RASGRF2: variants seen among roughly 807,000 people sequenced by gnomAD.
The protein encoded by RASGRF2 is Ras protein specific guanine nucleotide releasing factor 2.
Under a neutral mutation model 151.0 loss-of-function variants are expected in RASGRF2, and 76 were observed. The ratio of observed to expected loss-of-function variants is 0.50; its 90% confidence interval spans 0.42 to 0.61. The LOEUF (loss-of-function observed/expected upper bound fraction) is 0.61, where lower values mean the gene tolerates loss of function less well. Ranked by LOEUF, RASGRF2 falls within the 20% of genes least tolerant of loss-of-function variation. RASGRF2 has a pLI of 0.00. For missense variants in RASGRF2, 1,148 were observed against 1,564.6 expected (o/e 0.73, Z 4.49); for synonymous variants, 504 against 566.5 (o/e 0.89, Z 1.57).
intron 1 of RASGRF2, among the ~76,000 whole-genome samples, chr5:81,001,189 A>G (rs1375519401): frequency 6.6e-6 from 1 of 152,200 alleles, no homozygotes; most frequent in Non-Finnish European, 1.5e-5. Context: ...CTTCCCAGAC[A>G]ATAGCCTTCC....
chr5:81,005,056 G>A (rs1373232203), intron 1 of RASGRF2, among the ~76,000 whole-genome samples: 2 of 152,076 alleles, frequency 1.3e-5, no homozygotes, highest in East Asian at 1.9e-4. Flanking sequence ...AACCCCTAAC[G>A]TACTTGTTCT....
chr5:81,021,423 T>A (rs545862616), intron 1 of RASGRF2, among the ~76,000 whole-genome samples: 1 of 152,278 alleles, frequency 6.6e-6, no homozygotes, highest in South Asian at 2.1e-4. Context: ...TGGAGAGTAA[T>A]CAACTCAGTT....
chr5:81,123,932 C>T (rs1285090181), intron 16 of RASGRF2, among the ~76,000 whole-genome samples, 165 bp downstream of exon 16: 1 of 152,130 alleles, frequency 6.6e-6, no homozygotes, highest in African/African-American at 2.4e-5. Context: ...CTGTGGGTTC[C>T]ACATCCATGG....
At chr5:81,186,966 T>C (rs1755039050) in intron 18 of RASGRF2, among the ~76,000 whole-genome samples, 1 of 152,220 alleles carries the variant, frequency 6.6e-6, no homozygotes, top group African/African-American at 2.4e-5. Context: ...CACTTTTTCC[T>C]CTGTGGGAGG....
At position 81,225,896 on chromosome 5, in the gene RASGRF2, C is replaced by A; in HGVS notation, c.*126C>A. Reference sequence around the variant, plus strand: ...CCTTTCTCCACCAAAGAAGATGGAACCAGACTGGAATTCTGTCTCCAGAGA... The same window carrying A: ...CCTTTCTCCACCAAAGAAGATGGAAACAGACTGGAATTCTGTCTCCAGAGA... On this transcript the variant is annotated 3_prime_UTR_variant, in exon 27 of 27. Coordinates refer to ENST00000265080, the MANE Select transcript of RASGRF2 (RefSeq NM_006909.3). The A allele has an allele frequency of 9.9e-7, 1 of 1,013,670 alleles. No homozygotes were observed. The highest frequency in any genetic ancestry group is 2.1e-5 in the South Asian group (1 of 46,966). The allele number at this position is 1,013,670 out of a possible 1,614,324, so 62.8% of individuals were successfully genotyped here.
chr5:81,182,942 AC>A (rs1157527525), intron 18 of RASGRF2, among the ~76,000 whole-genome samples: 1 of 152,098 alleles, frequency 6.6e-6, no homozygotes, highest in Non-Finnish European at 1.5e-5. Context: ...ACCAACCCTC[AC>A]CCTTATTGTT....
intron 1 of RASGRF2, among the ~76,000 whole-genome samples, chr5:80,994,486 C>G (rs557177348): frequency 6.6e-6 from 1 of 152,086 alleles, no homozygotes; most frequent in East Asian, 1.9e-4. Context: ...TCTTTGTTGT[C>G]CTAGTCCTAA....
At chr5:81,172,480 G>C (rs919808716) in intron 17 of RASGRF2, among the ~76,000 whole-genome samples, 4 of 149,534 alleles carry the variant, frequency 2.7e-5, no homozygotes, top group Non-Finnish European at 5.9e-5. Flanking sequence ...TGTGTTTATT[G>C]TTACAGTTAA....
At chr5:81,135,986 A>G (rs1272274865) in intron 17 of RASGRF2, among the ~76,000 whole-genome samples, 1 of 152,140 alleles carries the variant, frequency 6.6e-6, no homozygotes, top group Non-Finnish European at 1.5e-5. Context: ...TTACTTATCC[A>G]TATCCTATAA....
chr5:81,015,871 T>G (rs928700126), intron 1 of RASGRF2, among the ~76,000 whole-genome samples: 5 of 152,224 alleles, frequency 3.3e-5, no homozygotes, highest in Non-Finnish European at 7.3e-5. Flanking sequence ...TTCTGGCACT[T>G]TGATAATGTA....
At chr5:81,036,789 C>T (rs182378759) in intron 1 of RASGRF2, among the ~76,000 whole-genome samples, 1 of 152,072 alleles carries the variant, frequency 6.6e-6, no homozygotes, top group Non-Finnish European at 1.5e-5. Flanking sequence ...TGTTACATTC[C>T]TGTGTTGGAA....
chr5:81,088,321 TTCC>T (rs1351517273), intron 9 of RASGRF2: 1 of 152,308 alleles, frequency 6.6e-6, no homozygotes, highest in Non-Finnish European at 1.5e-5. Flanking sequence ...CTTTTATAAT[TTCC>T]TCTTCTTCCT....
chr5:80,968,065 C>T (rs1029561003), intron 1 of RASGRF2, among the ~76,000 whole-genome samples: 1 of 152,230 alleles, frequency 6.6e-6, no homozygotes, highest in Non-Finnish European at 1.5e-5. Context: ...CCGGATAGTA[C>T]CTGCTCCATC....
chr5:81,044,388 A>C (rs2112398031), intron 2 of RASGRF2, among the ~76,000 whole-genome samples: 1 of 152,196 alleles, frequency 6.6e-6, no homozygotes, highest in South Asian at 2.1e-4. Flanking sequence ...ACTGCACTCC[A>C]GTCTTGGGGA....
rs555333703 is a variant in RASGRF2 at position 80,986,279 on chromosome 5, A to G, written c.288+25253A>G. On this transcript the variant is annotated intron_variant, in intron 1 of 26. Coordinates refer to ENST00000265080, the MANE Select transcript of RASGRF2 (RefSeq NM_006909.3). ...AATCTTTTAGATCATTAAGACATTC[A>G]TGGAGTTAAATGCTACCTTCTCAGT... Among the ~76,000 whole-genome samples, 172 of 152,318 alleles carry G rather than the reference A, an allele frequency of 1.1e-3. 1 individual carries two copies. Among genetic ancestry groups the G allele is most frequent in the African/African-American group, 3.7e-3 (152 of 41,580 alleles).
intron 17 of RASGRF2, among the ~76,000 whole-genome samples, chr5:81,159,134 T>C (rs1008271414): frequency 6.6e-6 from 1 of 152,256 alleles, no homozygotes; most frequent in African/African-American, 2.4e-5. Context: ...AATCATGCTA[T>C]ATATTAAATG....
In RASGRF2 at chr5:81,107,196, C is replaced by CAAAAAA. The variant is rs35987554; in HGVS notation, c.1756-1786_1756-1781dup. Among the ~76,000 whole-genome samples, 246 of 94,286 alleles carry CAAAAAA rather than the reference C, an allele frequency of 2.6e-3. 6 individuals are homozygous for CAAAAAA. Among genetic ancestry groups the CAAAAAA allele is most frequent in the African/African-American group, 9.3e-3 (222 of 23,768 alleles). 61.9% of individuals were successfully genotyped at this position (94,286 alleles called of 152,430 possible). ...ATAACATAGCACGAACCTGTCTCTA[C>CAAAAAA]AAAAAAAAAAAAAAAAAAATCTCAC... On this transcript the variant is annotated intron_variant, in intron 12 of 26. Transcript: ENST00000265080.
chr5:81,026,757 A>G (rs1750049664), intron 1 of RASGRF2, among the ~76,000 whole-genome samples: 2 of 152,228 alleles, frequency 1.3e-5, no homozygotes. Context: ...GGGCGAAAAA[A>G]AAAGCAGGCA....
intron 2 of RASGRF2, among the ~76,000 whole-genome samples, chr5:81,067,689 A>G (rs1477680752): frequency 6.6e-6 from 1 of 152,234 alleles, no homozygotes; most frequent in East Asian, 1.9e-4. Context: ...ACCATGTGCC[A>G]GAATTCAAAA....
Sources: gnomAD v4.1 joint callset for allele counts (sites outside exome capture counted in the v4.1 genomes callset) on GRCh38, gnomAD v4.1.1 for gene constraint, MANE v1.5 for transcripts, NCBI Gene and HGNC (gene_info 2026-07-23, HGNC 2026-07-21) for gene names.